Variants in NUP62 observed in about 807,000 individuals in gnomAD.
NUP62 encodes the protein nuclear pore glycoprotein p62.
For missense variants in NUP62, 647 were observed against 689.4 expected, an observed-to-expected ratio of 0.94 and a Z score of 0.69; for synonymous variants, 305 against 303.4, an observed-to-expected ratio of 1.01 and a Z score of -0.05.
intron 2 of NUP62, among the ~76,000 whole-genome samples, chr19:49,916,588 C>T (rs2075629316): frequency 6.6e-6 from 1 of 151,784 alleles, no homozygotes; most frequent in South Asian, 2.1e-4. Context: ...GGTGAAACCC[C>T]GTCTGCACTA....
At position 49,908,830 on chromosome 19, in the gene NUP62, G is replaced by A. The variant is rs199902644; in HGVS notation, c.978C>T (p.Ser326=). The A allele has an allele frequency of 6.3e-5, 102 of 1,612,982 alleles. No homozygotes were observed. The highest frequency in any genetic ancestry group is 2.0e-4 in the East Asian group (9 of 44,894). Residue 326 remains serine (S), a synonymous_variant, in exon 3 of 3, where the codon TCC becomes TCT. Transcript: ENST00000352066. ...PGAAAGAAAS[S]AMTYAQLESL... is the part of the protein sequence containing the mutation. The stretch of plus-strand genomic sequence containing the variant: ...TCTCCAGCTGCGCGTAGGTCATGGC[G>A]GAGCTGGCAGCCGCCCCTGCAGCTG...
chr19:49,908,631 G>A lies in NUP62; in HGVS notation c.1177C>T (p.Leu393Phe), dbSNP rs759856766. The A allele has an allele frequency of 6.2e-7, 1 of 1,613,354 alleles. No homozygotes were observed. The highest frequency in any genetic ancestry group is 1.7e-5 in the Admixed American group (1 of 60,028). Residue 393 changes from leucine (L) to phenylalanine (F), a missense_variant, in exon 3 of 3, where the codon CTC (leucine) becomes TTC (phenylalanine). Coordinates refer to ENST00000352066, the MANE Select transcript of NUP62 (RefSeq NM_016553.5). ...KLDQKRLDQE[L>F]DFILSQQKEL... ...TTCTGCTGGGACAGGATGAAGTCGAGCTCCTGGTCCAGCCTCTTCTGGTCC... is the reference window on the plus strand; with the variant it reads ...TTCTGCTGGGACAGGATGAAGTCGAACTCCTGGTCCAGCCTCTTCTGGTCC...
intron 2 of NUP62, among the ~76,000 whole-genome samples, chr19:49,920,339 C>T (rs1036304136): frequency 6.6e-6 from 1 of 152,160 alleles, no homozygotes; most frequent in African/African-American, 2.4e-5. Context: ...CCTCGGTCTC[C>T]CAAGGTGCTG....
At position 49,907,597 on chromosome 19, in the gene NUP62, T is replaced by C. The variant is rs1421862671; in HGVS notation, c.*642A>G. On this transcript the variant is annotated 3_prime_UTR_variant, in exon 3 of 3. Coordinates refer to ENST00000352066, the MANE Select transcript of NUP62 (RefSeq NM_016553.5). ...TGTTGCCTAGGCTGGAGTGCAGTGG[T>C]GTGATCTTGGTTCACTGCAACACCT... The C allele has an allele frequency of 1.2e-5, 5 of 410,664 alleles. No homozygotes were observed. The highest frequency in any genetic ancestry group is 8.7e-5 in the African/African-American group (4 of 45,852). The allele number at this position is 410,664 out of a possible 1,614,324, so 25.4% of individuals were successfully genotyped here. A position where few individuals can be genotyped will look rare whatever the true frequency, so the allele number is the denominator to read the frequency against.
chr19:49,909,978 T>C, intron 2 of NUP62, 94 bp from the exon 3 acceptor site: 1 of 726,550 alleles, frequency 1.4e-6, no homozygotes. Context: ...GGTGGTGGGA[T>C]GGGATAATGA....
chr19:49,911,852 C>T (rs192295903), intron 2 of NUP62, among the ~76,000 whole-genome samples: 261 of 152,268 alleles, frequency 1.7e-3, no homozygotes, highest in Middle Eastern at 3.4e-3. Flanking sequence ...CAAGAGGCCA[C>T]GGCAAGTGCC....
At chr19:49,928,498 C>T (rs36220126) in intron 1 of NUP62, 3 of 142,650 alleles carry the variant, frequency 2.1e-5, no homozygotes, top group African/African-American at 5.2e-5. Context: ...GCCTGGGCGA[C>T]AGAGACGGAG....
At chr19:49,927,270 A>G (rs1014145326) in intron 2 of NUP62, among the ~76,000 whole-genome samples, 2 of 152,074 alleles carry the variant, frequency 1.3e-5, no homozygotes, top group African/African-American at 4.8e-5. Flanking sequence ...TCAAGTTTTG[A>G]ACTCATATAA....
rs2075360546 is a variant in NUP62 at position 49,907,956 on chromosome 19, TGAGCCAG to T, written c.*276_*282del. On this transcript the variant is annotated 3_prime_UTR_variant, in exon 3 of 3. Coordinates refer to ENST00000352066, the MANE Select transcript of NUP62 (RefSeq NM_016553.5). ...CATCAGCACTTCTCCATCACCAGGC[TGAGCCAG>T]GATGAGGTGGGTGGTCGCAGTAGGT... is the stretch of plus-strand genomic sequence containing the variant. 5.9e-4 allele frequency: 329 copies of T among 560,148 alleles called. 5 individuals carry two copies. The South Asian group carries it at 6.4e-3, about 11-fold the overall frequency. The allele number at this position is 560,148 out of a possible 1,614,324, so 34.7% of individuals were successfully genotyped here.
Position 49,907,575 on chromosome 19 carries a change from TG to T in NUP62, c.*663del, listed in dbSNP as rs2075352259. On this transcript the variant is annotated 3_prime_UTR_variant, in exon 3 of 3. Coordinates refer to ENST00000352066, the MANE Select transcript of NUP62 (RefSeq NM_016553.5). ...TTTTTTTTTGAGACAGAGTCTCTGT[TG>T]CCTAGGCTGGAGTGCAGTGGTGTGA... 1 of 418,304 alleles carries T rather than the reference TG, an allele frequency of 2.4e-6. No homozygotes were observed. The highest frequency in any genetic ancestry group is 4.6e-6 in the Non-Finnish European group (1 of 217,100). 25.9% of individuals were successfully genotyped at this position (418,304 alleles called of 1,614,324 possible). A position where few individuals can be genotyped will look rare whatever the true frequency, so the allele number is the denominator to read the frequency against.
chr19:49,912,051 A>G (rs1048535800), intron 2 of NUP62, among the ~76,000 whole-genome samples: 9 of 152,348 alleles, frequency 5.9e-5, no homozygotes, highest in Admixed American at 5.9e-4. Context: ...TTTTGCTATT[A>G]ATAAGTTGTA....
At chr19:49,913,860 TGAGG>T (rs2122651795) in intron 2 of NUP62, among the ~76,000 whole-genome samples, 1 of 152,158 alleles carries the variant, frequency 6.6e-6, no homozygotes, top group South Asian at 2.1e-4. Flanking sequence ...GGCGTTATAT[TGAGG>T]GAGCCACAGG....
At chr19:49,915,711 T>C (rs1322638219) in intron 2 of NUP62, among the ~76,000 whole-genome samples, 1 of 152,228 alleles carries the variant, frequency 6.6e-6, no homozygotes, top group African/African-American at 2.4e-5. Flanking sequence ...GGGGCAGGTC[T>C]GCCCTTGTGC....
intron 2 of NUP62, among the ~76,000 whole-genome samples, chr19:49,914,726 G>GCT (rs2075575319): frequency 1.8e-5 from 1 of 56,362 alleles, no homozygotes; most frequent in African/African-American, 6.5e-5. Flanking sequence ...CCAAGTCCCA[G>GCT]TTTTTTTTTT....
At chr19:49,917,015 G>A (rs888440706) in intron 2 of NUP62, among the ~76,000 whole-genome samples, 1 of 152,278 alleles carries the variant, frequency 6.6e-6, no homozygotes, top group Non-Finnish European at 1.5e-5. Context: ...GCAGAGCCCA[G>A]ATGCAAGACG....
In NUP62 at chr19:49,908,146, C is replaced by G. The variant is rs775828349; in HGVS notation, c.*93G>C. On this transcript the variant is annotated 3_prime_UTR_variant, in exon 3 of 3. Coordinates refer to ENST00000352066, the MANE Select transcript of NUP62 (RefSeq NM_016553.5). The stretch of plus-strand genomic sequence containing the variant: ...CATGTGAAAGAAAGAAACAAACAAA[C>G]AAGTATCTTGCCACAACCCCAAACT... The G allele has an allele frequency of 6.5e-7, 1 of 1,540,140 alleles. No individual in the cohort carries two copies. Among genetic ancestry groups the G allele is most frequent in the Non-Finnish European group, 8.7e-7 (1 of 1,146,738 alleles).
intron 2 of NUP62, among the ~76,000 whole-genome samples, chr19:49,918,902 G>A (rs1490216526): frequency 6.7e-6 from 1 of 149,254 alleles, no homozygotes; most frequent in Non-Finnish European, 1.5e-5. Context: ...GGCTGGGGGG[G>A]GGGGGGCGGG....
intron 2 of NUP62, among the ~76,000 whole-genome samples, chr19:49,918,347 G>A (rs533091288): frequency 7.2e-4 from 110 of 152,188 alleles, no homozygotes; most frequent in African/African-American, 2.5e-3. Context: ...TTACAGGCAC[G>A]AGCCACCACG....
Position 49,908,942 on chromosome 19 carries a change from C to A in NUP62, c.866G>T (p.Gly289Val). The change falls in exon 3 of 3, where the codon GGC becomes GTC. Residue 289 changes from glycine (G) to valine (V), a missense_variant. By Grantham distance (109) the Gly-to-Val change is moderately radical. Transcript: ENST00000352066. ...CAGTGGTTTTAAATTCAAGGCAAAG[C>A]CGGTGGTGCTGCTGCTGCTGGTGGT... is the stretch of plus-strand genomic sequence containing the variant. ...ATTTSSSSTT[G>V]FALNLKPLAP... 4.4e-6 allele frequency: 7 copies of A among 1,609,050 alleles called. No homozygotes were observed. The highest frequency in any genetic ancestry group is 2.2e-5 in the East Asian group (1 of 44,830).
Sources: gnomAD v4.1 joint callset for allele counts (sites outside exome capture counted in the v4.1 genomes callset) on GRCh38, gnomAD v4.1.1 for gene constraint, MANE v1.5 for transcripts, NCBI Gene and HGNC (gene_info 2026-07-23, HGNC 2026-07-21) for gene names.